WWTR1: variants seen among roughly 807,000 people sequenced by gnomAD.
The protein encoded by WWTR1 is WW domain containing transcription regulator 1, also known as WW domain-containing transcription regulator protein 1.
A neutral mutation model predicts 40.1 loss-of-function variants in WWTR1; 13 were observed. The ratio of observed to expected loss-of-function variants is 0.32; its 90% confidence interval spans 0.21 to 0.52. WWTR1 has a LOEUF of 0.52. Ranked by LOEUF, WWTR1 falls within the 20% of genes least tolerant of loss-of-function variation. WWTR1 has a pLI of 0.97. For missense variants in WWTR1, 436 were observed against 523.1 expected (o/e 0.83, Z 1.63); for synonymous variants, 230 against 210.1 (o/e 1.09, Z -0.82).
At chr3:149,521,918 T>C (rs893355594) in intron 6 of WWTR1, among the ~76,000 whole-genome samples, 5 of 152,180 alleles carry the variant, frequency 3.3e-5, no homozygotes, top group African/African-American at 1.2e-4. Context: ...TAGAGTAAAG[T>C]GCCATATAGT....
chr3:149,627,786 T>C (rs1047835317), intron 2 of WWTR1, among the ~76,000 whole-genome samples: 5 of 152,172 alleles, frequency 3.3e-5, no homozygotes, highest in Admixed American at 2.0e-4. Flanking sequence ...CATTAAAAAC[T>C]TATTGGCCGG....
chr3:149,621,705 T>A (rs1428075391), intron 2 of WWTR1, among the ~76,000 whole-genome samples: 3 of 152,276 alleles, frequency 2.0e-5, no homozygotes, highest in Non-Finnish European at 4.4e-5. Flanking sequence ...TGCCCAGTTA[T>A]ATTACAGATC....
At chr3:149,539,007 G>A (rs530281196) in intron 4 of WWTR1, among the ~76,000 whole-genome samples, 1 of 152,276 alleles carries the variant, frequency 6.6e-6, no homozygotes, top group Non-Finnish European at 1.5e-5. Context: ...CTGAAATAAT[G>A]AAGGCTCACT....
intron 2 of WWTR1, among the ~76,000 whole-genome samples, chr3:149,636,432 A>T (rs1419817956): frequency 1.3e-5 from 2 of 152,238 alleles, no homozygotes; most frequent in African/African-American, 2.4e-5. Flanking sequence ...GGAATGTGGA[A>T]ATAATCTGGG....
At chr3:149,678,636 C>T (rs74500395) in intron 1 of WWTR1, among the ~76,000 whole-genome samples, 2,282 of 152,186 alleles carry the variant, frequency 0.015, 55 homozygotes, top group African/African-American at 0.052. Flanking sequence ...GTATCAATTT[C>T]TTTATGTACC....
intron 3 of WWTR1, among the ~76,000 whole-genome samples, chr3:149,568,996 G>A (rs1402055875): frequency 6.6e-6 from 1 of 152,190 alleles, no homozygotes; most frequent in Non-Finnish European, 1.5e-5. Flanking sequence ...TCGATCTCCT[G>A]ACCTCGTGAT....
At chr3:149,632,411 T>C (rs1197488355) in intron 2 of WWTR1, among the ~76,000 whole-genome samples, 1 of 152,116 alleles carries the variant, frequency 6.6e-6, no homozygotes, top group Non-Finnish European at 1.5e-5. Flanking sequence ...GGCAGATCCA[T>C]GATTCAAACC....
rs373012698 is a variant in WWTR1 at position 149,654,212 on chromosome 3, C to G, written c.431+2664G>C. On this transcript the variant is annotated intron_variant, in intron 2 of 6. Coordinates refer to ENST00000360632, the MANE Select transcript of WWTR1 (RefSeq NM_015472.6). ...TAAACAGACATAATGAAAAGTAACTCCAAGTGAGTCACCATCATTTTTCAA... is the reference window on the plus strand; with the variant it reads ...TAAACAGACATAATGAAAAGTAACTGCAAGTGAGTCACCATCATTTTTCAA... 3.3e-5 allele frequency among the ~76,000 whole-genome samples: 5 copies of G among 152,234 alleles called. No homozygotes were observed. The East Asian group carries it at 5.8e-4, about 18-fold the overall frequency.
At chr3:149,650,799 T>G (rs568220346) in intron 2 of WWTR1, among the ~76,000 whole-genome samples, 15 of 152,242 alleles carry the variant, frequency 9.9e-5, no homozygotes, top group Non-Finnish European at 2.1e-4. Flanking sequence ...TGAGCATTCC[T>G]ATTTAGGTTT....
chr3:149,669,289 A>T (rs754798280), intron 2 of WWTR1, among the ~76,000 whole-genome samples: 3 of 152,192 alleles, frequency 2.0e-5, no homozygotes, highest in Non-Finnish European at 4.4e-5. Context: ...AATCTTACCA[A>T]GGAAAATCCC....
chr3:149,522,926 C>T (rs1399537069), intron 6 of WWTR1, among the ~76,000 whole-genome samples: 1 of 151,862 alleles, frequency 6.6e-6, no homozygotes, highest in Non-Finnish European at 1.5e-5. Context: ...CAGTGCCAGG[C>T]ATGGTGGCGC....
intron 2 of WWTR1, among the ~76,000 whole-genome samples, chr3:149,611,136 C>A (rs560047476): frequency 6.7e-4 from 102 of 152,204 alleles, no homozygotes; most frequent in African/African-American, 2.4e-3. Context: ...TGGGTGACAG[C>A]AAGACCTCAT....
Position 149,534,209 on chromosome 3 carries a change from C to T in WWTR1, c.772-6240G>A, listed in dbSNP as rs1265022777. ...AAAAGAAAAGAAAAGAAAAGAAAAA[C>T]GTGTTATTTCATCTCTTCCTCGTGA... On this transcript the variant is annotated intron_variant, in intron 4 of 6. Transcript: ENST00000360632. 3.3e-5 allele frequency among the ~76,000 whole-genome samples: 5 copies of T among 152,000 alleles called. No homozygotes were observed. The East Asian group carries it at 7.7e-4, about 23-fold the overall frequency.
intron 1 of WWTR1, among the ~76,000 whole-genome samples, chr3:149,683,554 C>T (rs954605439): frequency 6.6e-6 from 1 of 152,044 alleles, no homozygotes; most frequent in Admixed American, 6.6e-5. Context: ...ATTAGCTGGG[C>T]ATGGTGGCAT....
upstream of WWTR1, chr3:149,660,973 C>T (rs57657660): frequency 6.6e-6 from 1 of 152,098 alleles, no homozygotes; most frequent in Admixed American, 6.5e-5. Flanking sequence ...TTACGTAGCC[C>T]CTTCCACTTA....
At chr3:149,531,341 A>G (rs925441159) in intron 4 of WWTR1, among the ~76,000 whole-genome samples, 1 of 152,210 alleles carries the variant, frequency 6.6e-6, no homozygotes, top group Non-Finnish European at 1.5e-5. Context: ...TTAGGTCACA[A>G]GTTATTCCAC....
At chr3:149,586,512 G>A (rs1738434153) in intron 2 of WWTR1, among the ~76,000 whole-genome samples, 1 of 152,192 alleles carries the variant, frequency 6.6e-6, no homozygotes, top group Non-Finnish European at 1.5e-5. Flanking sequence ...TGCCGATCTA[G>A]AGTTCCTATA....
chr3:149,694,827 A>G (rs1714932267), intron 1 of WWTR1, among the ~76,000 whole-genome samples: 1 of 152,258 alleles, frequency 6.6e-6, no homozygotes, highest in African/African-American at 2.4e-5. Context: ...CGCAAAATAA[A>G]GAAAATCATT....
chr3:149,645,323 C>G (rs1712451637), intron 2 of WWTR1, among the ~76,000 whole-genome samples: 1 of 152,130 alleles, frequency 6.6e-6, no homozygotes, highest in Non-Finnish European at 1.5e-5. Context: ...TCGTGATCTG[C>G]CCGCCTCGGC....
Sources: gnomAD v4.1 joint callset for allele counts (sites outside exome capture counted in the v4.1 genomes callset) on GRCh38, gnomAD v4.1.1 for gene constraint, MANE v1.5 for transcripts, NCBI Gene and HGNC (gene_info 2026-07-23, HGNC 2026-07-21) for gene names.